SUPT3H: variants seen among roughly 807,000 people sequenced by gnomAD.
The protein encoded by SUPT3H is SPT3 homolog, SAGA and STAGA complex component, also known as transcription initiation protein SPT3 homolog.
Under a neutral mutation model 44.3 loss-of-function variants are expected in SUPT3H, and 44 were observed. That is an observed-to-expected ratio of 0.99 (90% CI 0.78 to 1.28). The LOEUF (loss-of-function observed/expected upper bound fraction) is 1.28. Ranked by LOEUF, SUPT3H falls within the 50% of genes most tolerant of loss-of-function variation. SUPT3H has a pLI of 0.00. For missense variants in SUPT3H, 380 were observed against 387.1 expected, an observed-to-expected ratio of 0.98 and a Z score of 0.15; for synonymous variants, 124 against 125.6, an observed-to-expected ratio of 0.99 and a Z score of 0.09.
rs1795517154 is a variant in SUPT3H at position 45,368,445 on chromosome 6, A to G, written c.1-3144T>C. On this transcript the variant is annotated intron_variant, in intron 1 of 10. Coordinates refer to ENST00000371459, the MANE Select transcript of SUPT3H (RefSeq NM_003599.4). ...CAGAAAATATTGCTATCAAAAAAAAAGTTTTAATTGTAGTGAAGTTAATCA... is the reference window on the plus strand; with the variant it reads ...CAGAAAATATTGCTATCAAAAAAAAGGTTTTAATTGTAGTGAAGTTAATCA... Among the ~76,000 whole-genome samples, 5 of 152,214 alleles carry G rather than the reference A, an allele frequency of 3.3e-5. No individual in the cohort carries two copies. The South Asian group carries it at 8.3e-4, about 25-fold the overall frequency.
rs1766399440 is a variant in SUPT3H, at chr6:44,809,963, T to G, written c.*53-462A>C. 2.0e-5 allele frequency among the ~76,000 whole-genome samples: 3 copies of G among 152,196 alleles called. No individual in the cohort carries two copies. The South Asian group carries it at 6.2e-4, about 32-fold the overall frequency. On this transcript the variant is annotated intron_variant and NMD_transcript_variant, in intron 11 of 11. Coordinates refer to the SUPT3H transcript ENST00000475057. ...GTTACGAATAGATATAATTTCTTAG[T>G]GCCAGATCCACGGAGGAAACAAACC... is the stretch of plus-strand genomic sequence containing the variant.
intron 2 of SUPT3H, among the ~76,000 whole-genome samples, chr6:45,174,506 T>C (rs1018028061): frequency 6.6e-6 from 1 of 152,162 alleles, no homozygotes; most frequent in Non-Finnish European, 1.5e-5. Context: ...TAAGAATCAT[T>C]GAGCATAAAG....
chr6:45,156,650 T>A (rs951753388), intron 2 of SUPT3H, among the ~76,000 whole-genome samples: 1 of 151,680 alleles, frequency 6.6e-6, no homozygotes, highest in Admixed American at 6.6e-5. Flanking sequence ...AATTCATCTG[T>A]TAACCCAAAG....
chr6:45,083,408 T>C (rs1382863345), intron 3 of SUPT3H, among the ~76,000 whole-genome samples: 1 of 151,868 alleles, frequency 6.6e-6, no homozygotes, highest in East Asian at 1.9e-4. Context: ...GCCAGGCTGG[T>C]CTTGAACTCC....
intron 2 of SUPT3H, among the ~76,000 whole-genome samples, chr6:45,282,253 G>C (rs1189196291): frequency 1.3e-5 from 2 of 152,182 alleles, no homozygotes; most frequent in African/African-American, 4.8e-5. Flanking sequence ...ACTTTGACAA[G>C]TTGAGAGAAG....
chr6:45,112,592 T>A (rs1800222709), intron 2 of SUPT3H, among the ~76,000 whole-genome samples: 1 of 152,138 alleles, frequency 6.6e-6, no homozygotes, highest in Admixed American at 6.5e-5. Context: ...ACTGATTAAG[T>A]TTCTAACAGA....
intron 2 of SUPT3H, among the ~76,000 whole-genome samples, chr6:45,121,325 AAAG>A (rs1801626751): frequency 6.6e-6 from 1 of 152,176 alleles, no homozygotes; most frequent in South Asian, 2.1e-4. Context: ...CTCTGAGAGG[AAAG>A]AAGGAAATTG....
chr6:44,996,194 T>A (rs915370318), intron 6 of SUPT3H, among the ~76,000 whole-genome samples: 1 of 151,900 alleles, frequency 6.6e-6, no homozygotes, highest in African/African-American at 2.4e-5. Flanking sequence ...TTTACTAATC[T>A]ACATTTCCAC....
intron 2 of SUPT3H, among the ~76,000 whole-genome samples, chr6:45,185,141 G>C (rs1270931482): frequency 1.3e-5 from 2 of 152,116 alleles, no homozygotes; most frequent in African/African-American, 4.8e-5. Flanking sequence ...TCCTCCAACT[G>C]ATTAGTGTCT....
chr6:44,862,696 T>C (rs1030238655), intron 10 of SUPT3H, among the ~76,000 whole-genome samples: 16 of 145,778 alleles, frequency 1.1e-4, no homozygotes, highest in African/African-American at 3.5e-4. Flanking sequence ...AAAAAATTAA[T>C]ATTAAAATAA....
At chr6:44,891,168 A>C (rs1763257653) in intron 10 of SUPT3H, among the ~76,000 whole-genome samples, 1 of 152,134 alleles carries the variant, frequency 6.6e-6, no homozygotes, top group African/African-American at 2.4e-5. Context: ...CAAAAAAAGA[A>C]ATAAAAAATA....
intron 2 of SUPT3H, among the ~76,000 whole-genome samples, chr6:45,358,377 C>T (rs9472468): frequency 0.12 from 18,367 of 152,048 alleles, 1,269 homozygotes; most frequent in African/African-American, 0.19. Flanking sequence ...GCTATCACAC[C>T]GGATAAAAAG....
intron 2 of SUPT3H, among the ~76,000 whole-genome samples, chr6:45,204,250 AAAGAAG>A (rs59918814): frequency 0.093 from 13,248 of 143,060 alleles, 782 homozygotes; most frequent in Non-Finnish European, 0.14. Flanking sequence ...CCGTCTCAAA[AAAGAAG>A]AAGAAGAAGA....
intron 10 of SUPT3H, among the ~76,000 whole-genome samples, chr6:44,880,839 G>A (rs529886884): frequency 6.6e-6 from 1 of 152,202 alleles, no homozygotes; most frequent in African/African-American, 2.4e-5. Context: ...AGCTTCATAA[G>A]TGAAGGAAAA....
intron 1 of SUPT3H, among the ~76,000 whole-genome samples, chr6:45,376,850 C>A (rs1278080845): frequency 6.6e-6 from 1 of 151,766 alleles, no homozygotes; most frequent in African/African-American, 2.4e-5. Flanking sequence ...CTTCCAAATA[C>A]ATACATACAT....
At chr6:45,359,729 T>C (rs914622921) in intron 2 of SUPT3H, among the ~76,000 whole-genome samples, 12 of 152,294 alleles carry the variant, frequency 7.9e-5, no homozygotes, top group African/African-American at 2.9e-4. Flanking sequence ...TATAGGAAAC[T>C]GCAACAAATG....
At chr6:45,309,111 A>T (rs1783570439) in intron 2 of SUPT3H, among the ~76,000 whole-genome samples, 1 of 151,792 alleles carries the variant, frequency 6.6e-6, no homozygotes, top group Non-Finnish European at 1.5e-5. Flanking sequence ...AAGGATTATG[A>T]TAACACTGTG....
At chr6:45,224,757 G>A (rs1478608009) in intron 2 of SUPT3H, among the ~76,000 whole-genome samples, 8 of 148,572 alleles carry the variant, frequency 5.4e-5, no homozygotes, top group African/African-American at 1.7e-4. Flanking sequence ...TAGCCTGGGC[G>A]AAAGAGTGAG....
At chr6:45,160,707 A>G (rs1489480468) in intron 2 of SUPT3H, among the ~76,000 whole-genome samples, 1 of 152,152 alleles carries the variant, frequency 6.6e-6, no homozygotes, top group Non-Finnish European at 1.5e-5. Context: ...ACACAGTAAA[A>G]CTACTCATAG....
Sources: gnomAD v4.1 joint callset for allele counts (sites outside exome capture counted in the v4.1 genomes callset) on GRCh38, gnomAD v4.1.1 for gene constraint, MANE v1.5 for transcripts, NCBI Gene and HGNC (gene_info 2026-07-23, HGNC 2026-07-21) for gene names.